ARAP1: variants seen among roughly 807,000 people sequenced by gnomAD.
ARAP1 encodes the protein arf-GAP with Rho-GAP domain, ANK repeat and PH domain-containing protein 1.
ARAP1 carries 76 observed loss-of-function variants against 172.2 expected under a neutral mutation model. That is an observed-to-expected ratio of 0.44 (90% CI 0.37 to 0.53). The LOEUF (loss-of-function observed/expected upper bound fraction) is 0.53, where lower values mean the gene tolerates loss of function less well. ARAP1 is among the 20% of genes least tolerant of loss of function. The pLI is 0.00. For synonymous variants in ARAP1, 804 were observed against 803.3 expected (o/e 1.00, Z -0.01); for missense variants, 1,686 against 1,977.5 (o/e 0.85, Z 2.80).
At chr11:72,737,678 A>C in intron 1 of ARAP1, among the ~76,000 whole-genome samples, 1 of 150,262 alleles carries the variant, frequency 6.7e-6, no homozygotes, top group East Asian at 2.0e-4. Context: ...GCTGGAGTGC[A>C]GTGGTGTGAT....
chr11:72,730,493 T>G (rs1565229694), intron 2 of ARAP1, among the ~76,000 whole-genome samples: 2 of 152,240 alleles, frequency 1.3e-5, no homozygotes, highest in East Asian at 3.9e-4. Flanking sequence ...GGTCAGGAAT[T>G]CGAGACCAGT....
rs1326220708 is a variant in ARAP1, at chr11:72,726,597, C to T, written c.509+23G>A. 6.8e-7 allele frequency: 1 copy of T among 1,476,160 alleles called. No homozygotes were observed. Among genetic ancestry groups the T allele is most frequent in the Non-Finnish European group, 9.0e-7 (1 of 1,112,794 alleles). The allele number at this position is 1,476,160 out of a possible 1,614,324, so 91.4% of individuals were successfully genotyped here. ...TGGGATCCTCTGCCTGTGCGCCTCC[C>T]ACCCTGGGTGGCATCCACTCACCTC... is the stretch of plus-strand genomic sequence containing the variant. On this transcript the variant is annotated intron_variant, in intron 3 of 34. Transcript: ENST00000393609. This position sits in a 1 kb window ranked among gnomAD's most constrained non-coding sequence, Gnocchi z 6.5.
intron 3 of ARAP1, among the ~76,000 whole-genome samples, chr11:72,714,721 T>C (rs150365335): frequency 2.6e-3 from 390 of 152,186 alleles, no homozygotes; most frequent in African/African-American, 9.2e-3. Context: ...AGGGACAGGA[T>C]TGAAATGAGC....
At chr11:72,735,333 G>A (rs1035624761) in intron 1 of ARAP1, among the ~76,000 whole-genome samples, 6 of 152,010 alleles carry the variant, frequency 3.9e-5, no homozygotes, top group East Asian at 2.0e-4. Context: ...ACTGAGGGCC[G>A]GGCGCAGTGG....
At chr11:72,704,361 G>A (rs371474248) in intron 13 of ARAP1, 27 bp from the exon 14 acceptor site, 16 of 1,523,410 alleles carry the variant, frequency 1.1e-5, no homozygotes, top group Admixed American at 6.4e-5. Flanking sequence ...GAGGTCAGAC[G>A]GGCCAGCTGA....
At chr11:72,751,620 T>C (rs1858533482) in intron 1 of ARAP1, among the ~76,000 whole-genome samples, 1 of 151,878 alleles carries the variant, frequency 6.6e-6, no homozygotes, top group South Asian at 2.1e-4. Context: ...CTCCCACCTA[T>C]CTGGGATCAG....
At chr11:72,722,792 G>A (rs1318622182) in intron 3 of ARAP1, among the ~76,000 whole-genome samples, 1 of 152,174 alleles carries the variant, frequency 6.6e-6, no homozygotes, top group Non-Finnish European at 1.5e-5. Context: ...GGGGATCTGC[G>A]GCATGACCCT....
intron 1 of ARAP1, among the ~76,000 whole-genome samples, chr11:72,736,607 G>A (rs1334236800): frequency 2.0e-5 from 3 of 152,036 alleles, no homozygotes; most frequent in Non-Finnish European, 2.9e-5. Flanking sequence ...CAAGAGCTGA[G>A]GGGTTTCCCT....
At chr11:72,713,716 G>A (rs1465012868) in intron 4 of ARAP1, among the ~76,000 whole-genome samples, 4 of 151,902 alleles carry the variant, frequency 2.6e-5, no homozygotes, top group Non-Finnish European at 4.4e-5. Flanking sequence ...GTATGGTGGC[G>A]GGCGCCTGTA....
rs144700339 is a variant in ARAP1, at chr11:72,710,452, C to T, written c.1349G>A (p.Arg450His). Residue 450 changes from arginine (R) to histidine (H), a missense_variant, in exon 10 of 35, where the codon CGT becomes CAT. By Grantham distance (29) the Arg-to-His change is conservative (BLOSUM62 0). Around this residue, in one of 5 missense-constraint regions of ARAP1, gnomAD observed 688 missense variants for 856.9 expected, o/e 0.80. Coordinates refer to ENST00000393609, the MANE Select transcript of ARAP1 (RefSeq NM_001040118.3). This position sits in a 1 kb window ranked among gnomAD's most constrained non-coding sequence, Gnocchi z 4.3. ...CACGTACAGCTTATTCTTGAAGCCACGAAGCTCCAGGCTGCCAGCGCGGTC... is the reference window on the plus strand; with the variant it reads ...CACGTACAGCTTATTCTTGAAGCCATGAAGCTCCAGGCTGCCAGCGCGGTC... Reference protein sequence around the residue: ...QPDRAGSLELRGFKNKLYVAV... With the variant: ...QPDRAGSLELHGFKNKLYVAV... The T allele has an allele frequency of 4.3e-5, 69 of 1,613,946 alleles. 1 individual carries two copies. In the African/African-American group the frequency reaches 6.9e-4, roughly 16 times the overall value.
chr11:72,699,407 G>T lies in ARAP1; in HGVS notation c.2438+10C>A, dbSNP rs150066753. ...AGCAACCACAGTCTGATTTGCCCAG[G>T]AGTACTCACCCATGGGTGTCAGGAG... On this transcript the variant is annotated intron_variant, in intron 17 of 34. Coordinates refer to ENST00000393609, the MANE Select transcript of ARAP1 (RefSeq NM_001040118.3). This position sits in a 1 kb window ranked among gnomAD's most constrained non-coding sequence, Gnocchi z 4.2. The T allele has an allele frequency of 9.4e-5, 152 of 1,614,066 alleles. No homozygotes were observed. Among genetic ancestry groups the T allele is most frequent in the Admixed American group, 6.2e-4 (37 of 60,016 alleles).
chr11:72,735,081 A>C (rs1485774780), intron 1 of ARAP1, among the ~76,000 whole-genome samples: 1 of 152,002 alleles, frequency 6.6e-6, no homozygotes, highest in African/African-American at 2.4e-5. Context: ...CTTGGGCCCA[A>C]GCAATTATCC....
At position 72,702,793 on chromosome 11, in the gene ARAP1, G is replaced by A. The variant is rs1046231230; in HGVS notation, c.2167+112C>T. 3.7e-6 allele frequency: 5 copies of A among 1,353,268 alleles called. 1 individual carries two copies. The South Asian group carries it at 5.6e-5, about 15-fold the overall frequency. The allele number at this position is 1,353,268 out of a possible 1,614,324, so 83.8% of individuals were successfully genotyped here. A position where few individuals can be genotyped will look rare whatever the true frequency, so the allele number is the denominator to read the frequency against. Reference sequence around the variant, plus strand: ...CCCAAGCACACCCCAGCTCACACATGATTTATCACAGGCCCTTGAGGAGCT... The same window carrying A: ...CCCAAGCACACCCCAGCTCACACATAATTTATCACAGGCCCTTGAGGAGCT... On this transcript the variant is annotated intron_variant, in intron 15 of 34. Transcript: ENST00000393609.
intron 1 of ARAP1, among the ~76,000 whole-genome samples, chr11:72,733,702 T>C (rs7124056): frequency 0.14 from 21,957 of 152,216 alleles, 2,058 homozygotes; most frequent in African/African-American, 0.26. Context: ...ATGGCTTCAG[T>C]AGGTATTCAT....
chr11:72,698,201 C>T (rs1856307619), intron 18 of ARAP1, 95 bp from the exon 19 acceptor site: 4 of 1,385,720 alleles, frequency 2.9e-6, no homozygotes, highest in Non-Finnish European at 2.9e-6. Context: ...GCCCTCTTCC[C>T]ACCCAGCTGC....
chr11:72,725,247 G>GA lies in ARAP1; in HGVS notation c.509+1372dup, dbSNP rs1192893640. On this transcript the variant is annotated intron_variant, in intron 3 of 34. Transcript: ENST00000393609. This position sits in a 1 kb window ranked among gnomAD's most constrained non-coding sequence, Gnocchi z 4.3. ...CTTTGTTCACCCACTTCCAACCCCA[G>GA]AGACAGACAGACAGACTTTCTCTTC... Among the ~76,000 whole-genome samples the GA allele has an allele frequency of 6.6e-6, 1 of 151,936 alleles. No homozygotes were observed. The highest frequency in any genetic ancestry group is 1.9e-4 in the East Asian group (1 of 5,162).
intron 2 of ARAP1, 148 bp downstream of exon 2, chr11:72,732,367 G>A (rs1229929835): frequency 6.6e-6 from 1 of 152,268 alleles, no homozygotes; most frequent in Non-Finnish European, 1.5e-5. Flanking sequence ...AAGCTCTCTG[G>A]GCCTCACCCT....
chr11:72,718,099 A>G (rs1857359164), intron 3 of ARAP1, among the ~76,000 whole-genome samples: 1 of 152,206 alleles, frequency 6.6e-6, no homozygotes, highest in Non-Finnish European at 1.5e-5. Flanking sequence ...GCCTCTCGGA[A>G]GCATCTGGGA....
At chr11:72,739,890 T>C (rs1289818707) in intron 1 of ARAP1, among the ~76,000 whole-genome samples, 1 of 151,688 alleles carries the variant, frequency 6.6e-6, no homozygotes, top group African/African-American at 2.4e-5. Context: ...TCCAGCCATG[T>C]CCCCCTGCAG....
Sources: gnomAD v4.1 joint callset for allele counts (sites outside exome capture counted in the v4.1 genomes callset) on GRCh38, gnomAD v4.1.1 for gene constraint, gnomAD v4.1.1 regional missense constraint, Gnocchi (gnomAD v3.1) non-coding constraint, MANE v1.5 for transcripts, NCBI Gene and HGNC (gene_info 2026-07-23, HGNC 2026-07-21) for gene names.